Variants in PIN4 observed in about 807,000 individuals in gnomAD.
The protein encoded by PIN4 is peptidylprolyl cis/trans isomerase, NIMA-interacting 4, also known as peptidyl-prolyl cis-trans isomerase NIMA-interacting 4.
A neutral mutation model predicts 8.3 loss-of-function variants in PIN4; 3 were observed. The observed-to-expected ratio is 0.36, with a 90% CI of 0.16 to 0.93. The LOEUF (loss-of-function observed/expected upper bound fraction) is 0.93. Among genes scored for constraint, PIN4 ranks in the 40% least tolerant of loss-of-function variants. The pLI, the probability that PIN4 is intolerant of heterozygous loss-of-function variation, is 0.44. For missense variants in PIN4, 75 were observed against 100.6 expected (o/e 0.75, Z 1.09); for synonymous variants, 18 against 32.5 (o/e 0.55, Z 1.52).
downstream of PIN4, among the ~76,000 whole-genome samples, chrX:72,202,389 G>A (rs747567170): frequency 7.1e-5 from 8 of 112,469 alleles, no homozygotes; most frequent in Non-Finnish European, 1.3e-4. Context: ...GGACTTAGAC[G>A]CTTCACTGTT....
intron 3 of PIN4, chrX:72,207,404 A>G (rs2042826601): frequency 8.3e-7 from 1 of 1,211,087 alleles, no homozygotes; most frequent in East Asian, 3.0e-5. Context: ...TCTTCCATCA[A>G]TGTGTCATCA....
chrX:72,195,948 A>G (rs1346338704), intron 2 of PIN4, among the ~76,000 whole-genome samples: 2 of 109,141 alleles, frequency 1.8e-5, no homozygotes, highest in East Asian at 2.9e-4. Flanking sequence ...GTGAAACACC[A>G]TCTCTACTAA....
chrX:72,217,996 C>T (rs1036921335), intron 3 of PIN4, among the ~76,000 whole-genome samples: 15 of 111,482 alleles, frequency 1.3e-4, no homozygotes, highest in African/African-American at 4.9e-4. Flanking sequence ...GGGGGCCGGG[C>T]GCGGTGGCTC....
At chrX:72,240,724 C>T (rs918022131) in intron 3 of PIN4, among the ~76,000 whole-genome samples, 1 of 107,241 alleles carries the variant, frequency 9.3e-6, no homozygotes, top group African/African-American at 3.5e-5. Context: ...CGCTTGAACC[C>T]AGGAGGCAGA....
intron 3 of PIN4, among the ~76,000 whole-genome samples, chrX:72,232,273 T>TAAA (rs56070381): frequency 9.8e-5 from 6 of 61,411 alleles, no homozygotes; most frequent in African/African-American, 1.5e-4. Flanking sequence ...GAAGGAGTAT[T>TAAA]AAAAAAAAAA....
chrX:72,190,396 A>C (rs1453926639), intron 2 of PIN4, among the ~76,000 whole-genome samples: 1 of 111,651 alleles, frequency 9.0e-6, no homozygotes, highest in African/African-American at 3.3e-5. Flanking sequence ...GATCTTTACC[A>C]ATTATATGAA....
In PIN4 at chrX:72,222,862, C is replaced by G. The variant is rs778098591; in HGVS notation, c.312+25958C>G. Among the ~76,000 whole-genome samples, 215 of 106,726 alleles carry G rather than the reference C, an allele frequency of 2.0e-3. 1 individual carries two copies. The highest frequency in any genetic ancestry group is 6.8e-3 in the African/African-American group (202 of 29,534). 92.7% of individuals were successfully genotyped at this position (106,726 alleles called of 115,157 possible). A position where few individuals can be genotyped will look rare whatever the true frequency, so the allele number is the denominator to read the frequency against. On this transcript the variant is annotated intron_variant, in intron 3 of 3. Transcript: ENST00000423432. ...CCACCCGCCTCGGCCTCCCAAAGTG[C>G]TGGGATTACAGGCATGAGCCACTGC...
chrX:72,192,636 G>A (rs2042741893), intron 2 of PIN4, among the ~76,000 whole-genome samples: 1 of 110,859 alleles, frequency 9.0e-6, no homozygotes, highest in Non-Finnish European at 1.9e-5. Context: ...ACAGGCCGGG[G>A]TGCATGACAT....
intron 3 of PIN4, among the ~76,000 whole-genome samples, chrX:72,240,782 A>G (rs2043046024): frequency 9.7e-6 from 1 of 103,257 alleles, no homozygotes; most frequent in African/African-American, 3.7e-5. Flanking sequence ...CCTGGGCGAC[A>G]GAGCAAGACT....
intron 3 of PIN4, chrX:72,206,259 A>G: frequency 8.3e-7 from 1 of 1,208,440 alleles, no homozygotes; most frequent in Non-Finnish European, 1.1e-6. Context: ...TTTTAGTTGC[A>G]AAGCTTTTTT....
At chrX:72,252,138 T>C (rs2043090107) in intron 3 of PIN4, among the ~76,000 whole-genome samples, 1 of 110,364 alleles carries the variant, frequency 9.1e-6, no homozygotes, top group Non-Finnish European at 1.9e-5. Flanking sequence ...TGGAGTCTTT[T>C]CTTTTTAATA....
chrX:72,205,967 T>C, intron 3 of PIN4: 1 of 1,211,705 alleles, frequency 8.3e-7, no homozygotes, highest in Admixed American at 2.2e-5. Flanking sequence ...TTGGCCTCAC[T>C]TGCTTGAGCA....
Position 72,253,990 on chromosome X carries a change from A to G in PIN4, c.313-8717A>G, listed in dbSNP as rs1399789032. On this transcript the variant is annotated intron_variant, in intron 3 of 3. Transcript: ENST00000423432. ...AAAAGAAAAAAAATAAAAGAAAAAG[A>G]AAAGAAAAGAAAAGAAAATCCATTC... Among the ~76,000 whole-genome samples the G allele has an allele frequency of 6.4e-5, 7 of 110,060 alleles. No homozygotes were observed. The East Asian group carries it at 2.0e-3, about 31-fold the overall frequency.
chrX:72,207,387 T>C, intron 3 of PIN4: 1 of 1,211,239 alleles, frequency 8.3e-7, no homozygotes, highest in Admixed American at 2.2e-5. Flanking sequence ...ATATCATTTT[T>C]CCAGATTCTT....
intron 3 of PIN4, among the ~76,000 whole-genome samples, chrX:72,248,976 A>G (rs2078893956): frequency 8.9e-6 from 1 of 112,198 alleles, no homozygotes; most frequent in East Asian, 2.8e-4. Flanking sequence ...TTTGGGGCCA[A>G]TCTTTAGTTC....
chrX:72,198,990 G>A (rs758911888), downstream of PIN4: 2 of 111,717 alleles, frequency 1.8e-5, no homozygotes, highest in South Asian at 3.8e-4. Flanking sequence ...TTAGTAATGG[G>A]ATTGCACCTT....
At chrX:72,231,444 G>A (rs1320602811) in intron 3 of PIN4, among the ~76,000 whole-genome samples, 2 of 111,311 alleles carry the variant, frequency 1.8e-5, no homozygotes, top group Non-Finnish European at 3.8e-5. Flanking sequence ...GTTAGTCAAT[G>A]GTACAAAGTT....
At chrX:72,261,562 G>A (rs1432462222) in intron 3 of PIN4, among the ~76,000 whole-genome samples, 1 of 111,736 alleles carries the variant, frequency 8.9e-6, no homozygotes, top group Admixed American at 9.5e-5. Context: ...TGCAAAGTGG[G>A]AGAACAGTAC....
chrX:72,250,028 C>T (rs770017513), intron 3 of PIN4, among the ~76,000 whole-genome samples: 3 of 109,403 alleles, frequency 2.7e-5, no homozygotes, highest in African/African-American at 6.7e-5. Context: ...GGGTGAGAAC[C>T]GCTGATAACA....
Sources: allele counts gnomAD v4.1 joint callset (sites outside exome capture counted in the v4.1 genomes callset), GRCh38; gene constraint gnomAD v4.1.1; transcripts MANE v1.5; gene names NCBI Gene and HGNC (gene_info 2026-07-23, HGNC 2026-07-21).